Variants in PPP4R2 observed in about 807,000 individuals in gnomAD.
PPP4R2 encodes the protein serine/threonine-protein phosphatase 4 regulatory subunit 2.
In PPP4R2, 13 loss-of-function variants were observed where a neutral mutation model predicts 47.2. That is an observed-to-expected ratio of 0.28 (90% confidence interval 0.18 to 0.44). The LOEUF (loss-of-function observed/expected upper bound fraction) is 0.44. PPP4R2 is among the 20% of genes least tolerant of loss of function. The pLI is 1.00. For missense variants in PPP4R2, 421 were observed against 491.2 expected, an observed-to-expected ratio of 0.86 and a Z score of 1.35; for synonymous variants, 151 against 163.3, an observed-to-expected ratio of 0.92 and a Z score of 0.57.
intron 3 of PPP4R2, among the ~76,000 whole-genome samples, chr3:73,055,443 T>A (rs1702712968): frequency 6.6e-6 from 1 of 150,688 alleles, no homozygotes; most frequent in Non-Finnish European, 1.5e-5. Flanking sequence ...TGTGTGTGTG[T>A]GTGTGTGTGT....
intron 2 of PPP4R2, among the ~76,000 whole-genome samples, chr3:73,024,077 T>C (rs573371292): frequency 1.3e-5 from 2 of 152,184 alleles, no homozygotes; most frequent in South Asian, 4.1e-4. Context: ...TTTATAGATA[T>C]GATTGGCTGA....
At chr3:73,008,494 A>G (rs1701659628) in intron 2 of PPP4R2, among the ~76,000 whole-genome samples, 2 of 152,130 alleles carry the variant, frequency 1.3e-5, no homozygotes, top group Admixed American at 1.3e-4. Context: ...AGTTTTTACT[A>G]GTCGTTGGCT....
intron 2 of PPP4R2, among the ~76,000 whole-genome samples, chr3:72,999,723 A>G (rs747619718): frequency 6.6e-6 from 1 of 152,192 alleles, no homozygotes; most frequent in Admixed American, 6.5e-5. Context: ...CAGTTATTTT[A>G]TCCTGGTAGA....
intron 2 of PPP4R2, among the ~76,000 whole-genome samples, chr3:73,029,421 T>A (rs1702127719): frequency 6.6e-6 from 1 of 152,200 alleles, no homozygotes; most frequent in Non-Finnish European, 1.5e-5. Context: ...GTGTTAAGAA[T>A]TAGTCACATT....
intron 3 of PPP4R2, among the ~76,000 whole-genome samples, chr3:73,051,833 G>C (rs1356021886): frequency 6.6e-6 from 1 of 152,074 alleles, no homozygotes; most frequent in Non-Finnish European, 1.5e-5. Flanking sequence ...CACCCTGTTA[G>C]CCAGGATGGT....
Position 73,067,781 on chromosome 3 carries a change from G to T in PPP4R2, c.*2059G>T, listed in dbSNP as rs1703031174. The T allele has an allele frequency of 6.6e-6, 1 of 152,108 alleles. No homozygotes were observed. The highest frequency in any genetic ancestry group is 2.4e-5 in the African/African-American group (1 of 41,428). 9.4% of individuals were successfully genotyped at this position (152,108 alleles called of 1,614,324 possible). A position where few individuals can be genotyped will look rare whatever the true frequency, so the allele number is the denominator to read the frequency against. On this transcript the variant is annotated 3_prime_UTR_variant, in exon 9 of 9. Coordinates refer to ENST00000356692, the MANE Select transcript of PPP4R2 (RefSeq NM_174907.4). ...TAGCATTATGACTTTGAGGTCTGTGGTTTTATTTGTAAACTTGCAATTGCT... is the reference window on the plus strand; with the variant it reads ...TAGCATTATGACTTTGAGGTCTGTGTTTTTATTTGTAAACTTGCAATTGCT...
At chr3:73,031,441 G>A (rs1446213860) in intron 2 of PPP4R2, among the ~76,000 whole-genome samples, 1 of 152,126 alleles carries the variant, frequency 6.6e-6, no homozygotes, top group African/African-American at 2.4e-5. Flanking sequence ...TACTCGGGAG[G>A]CTGAGGCAGG....
chr3:72,997,388 T>A, intron 1 of PPP4R2: 2 of 252,130 alleles, frequency 7.9e-6, no homozygotes, highest in Non-Finnish European at 7.5e-6. Context: ...CTCCCAGATA[T>A]CCTCTTTTCT....
At chr3:73,062,574 G>A in intron 5 of PPP4R2, 2 of 1,614,004 alleles carry the variant, frequency 1.2e-6, no homozygotes, top group Non-Finnish European at 1.7e-6. Flanking sequence ...TACTCCTTAT[G>A]CTAGCAGATT....
chr3:73,054,216 C>T (rs1702681324), intron 3 of PPP4R2, among the ~76,000 whole-genome samples: 1 of 152,200 alleles, frequency 6.6e-6, no homozygotes, highest in South Asian at 2.1e-4. Flanking sequence ...CCGTGCTCAG[C>T]TAATTTCGCC....
intron 3 of PPP4R2, among the ~76,000 whole-genome samples, chr3:73,052,262 A>G (rs1559564805): frequency 1.1e-5 from 1 of 89,200 alleles, no homozygotes; most frequent in African/African-American, 4.7e-5. Context: ...TTTTTTGGTC[A>G]TTTTCTTGTC....
rs1481782308 is a variant in PPP4R2 at position 73,067,122 on chromosome 3, CTG to C, written c.*1406_*1407del. 9.2e-5 allele frequency: 14 copies of C among 152,160 alleles called. No homozygotes were observed. Among genetic ancestry groups the C allele is most frequent in the Non-Finnish European group, 1.6e-4 (11 of 67,932 alleles). The allele number at this position is 152,160 out of a possible 1,614,324, so 9.4% of individuals were successfully genotyped here. ...GAAGCGGTATATAATTGTATAATTTCTGTGTGTAAACTGAATGCTTGGGCTTT... is the reference window on the plus strand; with the variant it reads ...GAAGCGGTATATAATTGTATAATTTCTGTGTAAACTGAATGCTTGGGCTTT... On this transcript the variant is annotated 3_prime_UTR_variant, in exon 9 of 9. Transcript: ENST00000356692.
chr3:73,036,431 G>A (rs1447474083), intron 2 of PPP4R2, among the ~76,000 whole-genome samples: 2 of 152,194 alleles, frequency 1.3e-5, no homozygotes, highest in Admixed American at 1.3e-4. Flanking sequence ...GTTTGAAATG[G>A]ATAGCCCAAA....
At chr3:73,027,968 G>C (rs908144148) in intron 2 of PPP4R2, 1 of 146,894 alleles carries the variant, frequency 6.8e-6, no homozygotes, top group Non-Finnish European at 1.5e-5. Context: ...TTTAAGAGAC[G>C]GGGTGGGCTG....
At chr3:73,001,583 C>T (rs1354586212) in intron 2 of PPP4R2, among the ~76,000 whole-genome samples, 2 of 152,108 alleles carry the variant, frequency 1.3e-5, no homozygotes, top group Non-Finnish European at 2.9e-5. Flanking sequence ...CAAACACACA[C>T]ATGCACACTT....
rs948959178 is a variant in PPP4R2 at position 73,065,797 on chromosome 3, A to G, written c.*75A>G. The G allele has an allele frequency of 2.1e-6, 2 of 955,900 alleles. No individual in the cohort carries two copies. Among genetic ancestry groups the G allele is most frequent in the Non-Finnish European group, 3.1e-6 (2 of 653,220 alleles). The allele number at this position is 955,900 out of a possible 1,614,324, so 59.2% of individuals were successfully genotyped here. On this transcript the variant is annotated 3_prime_UTR_variant, in exon 9 of 9. Coordinates refer to ENST00000356692, the MANE Select transcript of PPP4R2 (RefSeq NM_174907.4). ...ACACTGTATAAAACTTTTGTGTAAT[A>G]AAATGGACCTTTAGTTTTACAAGAG...
At chr3:73,065,330 A>G (rs1702968944) in intron 8 of PPP4R2, 67 bp from the exon 9 acceptor site, 4 of 1,451,276 alleles carry the variant, frequency 2.8e-6, no homozygotes, top group South Asian at 1.4e-5. Context: ...ATCAGAATTC[A>G]TGAAACTTAA....
At chr3:73,060,405 AG>A (rs1300091800) in intron 4 of PPP4R2, among the ~76,000 whole-genome samples, 1 of 152,166 alleles carries the variant, frequency 6.6e-6, no homozygotes, top group Non-Finnish European at 1.5e-5. Flanking sequence ...TCAGGGTTGC[AG>A]TGTTTCATAG....
chr3:73,063,591 T>A, intron 5 of PPP4R2, 82 bp from the exon 6 acceptor site: 1 of 774,444 alleles, frequency 1.3e-6, no homozygotes, highest in Non-Finnish European at 2.2e-6. Context: ...ACCACTGCAC[T>A]CCATTCCACC....
Sources: gnomAD v4.1 joint callset for allele counts (sites outside exome capture counted in the v4.1 genomes callset) on GRCh38, gnomAD v4.1.1 for gene constraint, MANE v1.5 for transcripts, NCBI Gene and HGNC (gene_info 2026-07-23, HGNC 2026-07-21) for gene names.